MTFR1: variants seen among roughly 807,000 people sequenced by gnomAD.
The protein encoded by MTFR1 is mitochondrial fission regulator 1.
MTFR1 carries 28 observed loss-of-function variants against 38.8 expected under a neutral mutation model. That is an observed-to-expected ratio of 0.72 (90% CI 0.53 to 0.99). The LOEUF (loss-of-function observed/expected upper bound fraction) is 0.99. MTFR1 is among the 50% of genes least tolerant of loss of function. The pLI, the probability that MTFR1 is intolerant of heterozygous loss-of-function variation, is 0.00. For missense variants in MTFR1, 358 were observed against 395.5 expected (o/e 0.91, Z 0.81); for synonymous variants, 145 against 137.0 (o/e 1.06, Z -0.41).
At position 65,655,951 on chromosome 8, in the gene MTFR1, A is replaced by AAAAT. The variant is rs1554545336; in HGVS notation, c.-81+11168_-81+11169insAATA. Among the ~76,000 whole-genome samples the AAAAT allele has an allele frequency of 2.3e-3, 127 of 55,384 alleles. 2 individuals are homozygous for AAAAT. The highest frequency in any genetic ancestry group is 0.016 in the African/African-American group (118 of 7,428). 36.3% of individuals were successfully genotyped at this position (55,384 alleles called of 152,430 possible). A position where few individuals can be genotyped will look rare whatever the true frequency, so the allele number is the denominator to read the frequency against. Reference sequence around the variant, plus strand: ...AGCAAGACTCTGTCTTAAAAAAAAAAATATATATATATATATACCATATAT... The same window carrying AAAAT: ...AGCAAGACTCTGTCTTAAAAAAAAAAAAATATATATATATATATATACCATATAT... On this transcript the variant is annotated intron_variant, in intron 1 of 7. Transcript: ENST00000262146.
chr8:65,688,914 G>A (rs562130999), intron 3 of MTFR1, among the ~76,000 whole-genome samples: 1 of 152,110 alleles, frequency 6.6e-6, no homozygotes, highest in South Asian at 2.1e-4. Flanking sequence ...GGAGGCTGAG[G>A]CGGGTGGATC....
intron 4 of MTFR1, among the ~76,000 whole-genome samples, chr8:65,694,322 G>A (rs1471631193): frequency 3.3e-5 from 5 of 151,884 alleles, no homozygotes; most frequent in Admixed American, 6.6e-5. Flanking sequence ...TGATCCACCC[G>A]CCTTGCCCTC....
At chr8:65,663,365 T>C (rs1804260618) in intron 1 of MTFR1, among the ~76,000 whole-genome samples, 1 of 151,808 alleles carries the variant, frequency 6.6e-6, no homozygotes, top group Admixed American at 6.6e-5. Context: ...CACTCTCTAA[T>C]CTCAAGTACC....
chr8:65,712,045 T>C (rs1053542923), downstream of MTFR1, among the ~76,000 whole-genome samples: 3 of 152,220 alleles, frequency 2.0e-5, no homozygotes, highest in Non-Finnish European at 2.9e-5. Context: ...AGACTCTTCA[T>C]AACAAGATTT....
At chr8:65,745,878 T>A (rs188279477) in intron 3 of MTFR1, among the ~76,000 whole-genome samples, 1 of 152,054 alleles carries the variant, frequency 6.6e-6, no homozygotes, top group Non-Finnish European at 1.5e-5. Flanking sequence ...CAGGTACTGT[T>A]ATAAGTTACT....
intron 3 of MTFR1, among the ~76,000 whole-genome samples, chr8:65,767,706 T>C (rs1298521575): frequency 6.6e-6 from 1 of 152,158 alleles, no homozygotes; most frequent in African/African-American, 2.4e-5. Context: ...GCTTAACATG[T>C]AGAGTTTCTT....
intron 2 of MTFR1, among the ~76,000 whole-genome samples, chr8:65,681,281 G>A (rs1804879987): frequency 6.6e-6 from 1 of 152,030 alleles, no homozygotes; most frequent in Non-Finnish European, 1.5e-5. Flanking sequence ...CACCATGCCT[G>A]GCTAATTTTT....
chr8:65,736,889 T>C (rs1321933472), intron 3 of MTFR1, among the ~76,000 whole-genome samples: 2 of 54,080 alleles, frequency 3.7e-5, no homozygotes, highest in Non-Finnish European at 6.5e-5. Flanking sequence ...GTATTGAGGC[T>C]TTTTTTTTTT....
intron 2 of MTFR1, chr8:65,718,416 A>G (rs1806232797): frequency 6.6e-6 from 1 of 152,202 alleles, no homozygotes. Flanking sequence ...AAATACCCTG[A>G]GCTGATTATG....
At chr8:65,702,685 G>C (rs1805651478) in intron 4 of MTFR1, among the ~76,000 whole-genome samples, 1 of 152,042 alleles carries the variant, frequency 6.6e-6, no homozygotes, top group South Asian at 2.1e-4. Flanking sequence ...ATGAGGGAGG[G>C]TCAGTAGAAA....
At chr8:65,737,259 T>C (rs1807179460) in intron 3 of MTFR1, among the ~76,000 whole-genome samples, 1 of 152,088 alleles carries the variant, frequency 6.6e-6, no homozygotes, top group African/African-American at 2.4e-5. Context: ...AATTCTCTCA[T>C]AAACCTGTTC....
intron 3 of MTFR1, among the ~76,000 whole-genome samples, chr8:65,748,347 TC>T (rs1192960624): frequency 3.3e-5 from 5 of 152,198 alleles, no homozygotes; most frequent in African/African-American, 1.2e-4. Flanking sequence ...GTGGTTTATA[TC>T]CTGTAAGTGT....
At chr8:65,740,989 C>T (rs1807403188) in intron 3 of MTFR1, among the ~76,000 whole-genome samples, 1 of 152,122 alleles carries the variant, frequency 6.6e-6, no homozygotes, top group South Asian at 2.1e-4. Context: ...TCCTCAACGT[C>T]CACTCCTTTG....
chr8:65,738,912 C>A (rs1443566735), intron 3 of MTFR1, among the ~76,000 whole-genome samples: 1 of 152,224 alleles, frequency 6.6e-6, no homozygotes, highest in African/African-American at 2.4e-5. Flanking sequence ...AAAATGAAAT[C>A]AAGTATCCAC....
At chr8:65,682,787 C>T in intron 3 of MTFR1, 1 of 985,234 alleles carries the variant, frequency 1.0e-6, no homozygotes, top group Non-Finnish European at 1.2e-6. Context: ...TATTTTTCTT[C>T]TGTAATTATA....
intron 1 of MTFR1, among the ~76,000 whole-genome samples, chr8:65,650,895 G>A (rs1022338768): frequency 3.9e-5 from 6 of 152,148 alleles, no homozygotes; most frequent in Non-Finnish European, 8.8e-5. Flanking sequence ...CTCTATAGTG[G>A]TTGAGCAAAT....
At chr8:65,719,639 G>A in intron 3 of MTFR1, 3 of 628,998 alleles carry the variant, frequency 4.8e-6, no homozygotes, top group Non-Finnish European at 8.4e-6. Context: ...GTATGTGTAG[G>A]TGACAGAGTC....
At chr8:65,733,503 T>C (rs1806992632) in intron 3 of MTFR1, among the ~76,000 whole-genome samples, 1 of 152,098 alleles carries the variant, frequency 6.6e-6, no homozygotes, top group African/African-American at 2.4e-5. Context: ...ACCCTGTCTC[T>C]ACAAAAAATT....
At chr8:65,658,066 C>A (rs953130180) in intron 1 of MTFR1, among the ~76,000 whole-genome samples, 20 of 152,238 alleles carry the variant, frequency 1.3e-4, no homozygotes, top group African/African-American at 4.8e-4. Context: ...AAACAAAATG[C>A]CAGCCACATA....
Sources: allele counts gnomAD v4.1 joint callset (sites outside exome capture counted in the v4.1 genomes callset), GRCh38; gene constraint gnomAD v4.1.1; transcripts MANE v1.5; gene names NCBI Gene and HGNC (gene_info 2026-07-23, HGNC 2026-07-21).